FGF13: variants seen among roughly 807,000 people sequenced by gnomAD.
FGF13 encodes the protein fibroblast growth factor 13.
Under a neutral mutation model 19.5 loss-of-function variants are expected in FGF13, and 2 were observed. That is an observed-to-expected ratio of 0.10 (90% confidence interval 0.04 to 0.32). FGF13 has a LOEUF of 0.32. Ranked by LOEUF, FGF13 falls within the 10% of genes least tolerant of loss-of-function variation. The pLI is 1.00. For missense variants in FGF13, 113 were observed against 192.7 expected (o/e 0.59, Z 2.45); for synonymous variants, 72 against 76.9 (o/e 0.94, Z 0.33).
At chrX:138,651,736 T>C (rs1055426604) in intron 3 of FGF13, among the ~76,000 whole-genome samples, 1 of 111,783 alleles carries the variant, frequency 8.9e-6, no homozygotes, top group Non-Finnish European at 1.9e-5. Context: ...TTATACTTTC[T>C]TGCCAATTCC....
At chrX:138,930,247 G>A (rs997001904) in intron 1 of FGF13, among the ~76,000 whole-genome samples, 1 of 112,037 alleles carries the variant, frequency 8.9e-6, no homozygotes, top group Non-Finnish European at 1.9e-5. Flanking sequence ...CTGTGCTAGG[G>A]TGTCTGATTT....
chrX:138,954,745 C>A (rs2091832577), intron 1 of FGF13, among the ~76,000 whole-genome samples: 1 of 111,758 alleles, frequency 8.9e-6, no homozygotes, highest in Non-Finnish European at 1.9e-5. Flanking sequence ...TCAACGTTCA[C>A]CCTATTCTGT....
chrX:138,731,782 T>C (rs146025589), intron 1 of FGF13, among the ~76,000 whole-genome samples: 5 of 109,430 alleles, frequency 4.6e-5, no homozygotes, highest in South Asian at 3.9e-4. Context: ...GCTAGCAAGA[T>C]AGACCAAGAA....
chrX:138,925,717 T>C (rs1469905639), intron 1 of FGF13, among the ~76,000 whole-genome samples: 2 of 111,642 alleles, frequency 1.8e-5, no homozygotes. Flanking sequence ...TCCAAGTTTT[T>C]AATACTGAGG....
intron 1 of FGF13, among the ~76,000 whole-genome samples, chrX:139,088,479 G>A (rs745722951): frequency 5.5e-4 from 59 of 106,495 alleles, no homozygotes; most frequent in African/African-American, 2.0e-3. Flanking sequence ...GGGAACAAGA[G>A]TTTTCCCAGG....
chrX:138,861,380 T>C (rs1455490515), intron 2 of FGF13, among the ~76,000 whole-genome samples: 1 of 112,759 alleles, frequency 8.9e-6, no homozygotes, highest in East Asian at 2.8e-4. Flanking sequence ...ATCCTTTAAA[T>C]ATATTTGAAG....
chrX:138,830,687 T>TTTTGTG (rs2091065212), intron 3 of FGF13, among the ~76,000 whole-genome samples: 2 of 87,520 alleles, frequency 2.3e-5, no homozygotes, highest in South Asian at 1.4e-3. Flanking sequence ...AAAGGGGTGT[T>TTTTGTG]TGTGTGTGTG....
intron 1 of FGF13, among the ~76,000 whole-genome samples, chrX:138,994,901 G>T (rs1014686983): frequency 9.2e-6 from 1 of 109,150 alleles, no homozygotes; most frequent in Non-Finnish European, 1.9e-5. Context: ...CATTCAGAGA[G>T]GGGTGTAGCT....
At chrX:139,053,177 T>A (rs1391984034) in intron 1 of FGF13, among the ~76,000 whole-genome samples, 1 of 111,785 alleles carries the variant, frequency 8.9e-6, no homozygotes, top group Non-Finnish European at 1.9e-5. Context: ...TGCCGTTAAT[T>A]CATTCCTTTT....
intron 3 of FGF13, among the ~76,000 whole-genome samples, chrX:138,676,378 G>A (rs958713029): frequency 9.0e-6 from 1 of 111,187 alleles, no homozygotes; most frequent in African/African-American, 3.3e-5. Context: ...AGGGTTCAAA[G>A]ACATGTTAAA....
intron 1 of FGF13, among the ~76,000 whole-genome samples, chrX:139,126,587 C>T (rs766092321): frequency 1.8e-4 from 20 of 111,301 alleles, no homozygotes; most frequent in Non-Finnish European, 3.6e-4. Flanking sequence ...GCTTGGCTGG[C>T]CTGTATTTTT....
intron 1 of FGF13, among the ~76,000 whole-genome samples, chrX:138,894,854 A>C (rs1338580864): frequency 8.9e-6 from 1 of 111,865 alleles, no homozygotes; most frequent in Non-Finnish European, 1.9e-5. Flanking sequence ...GCAGAGACAC[A>C]ACAAAAAAAG....
intron 1 of FGF13, among the ~76,000 whole-genome samples, chrX:139,005,372 T>G (rs2092096751): frequency 8.9e-6 from 1 of 111,821 alleles, no homozygotes; most frequent in Non-Finnish European, 1.9e-5. Flanking sequence ...CAGTGTTACT[T>G]GGCTTGGGGT....
chrX:138,990,376 A>G (rs2092010402), intron 1 of FGF13: 1 of 111,111 alleles, frequency 9.0e-6, no homozygotes, highest in African/African-American at 3.3e-5. Context: ...GGAGAAACAC[A>G]GGCTTTATAT....
At chrX:138,646,489 A>G (rs1423234404) in intron 3 of FGF13, among the ~76,000 whole-genome samples, 1 of 111,712 alleles carries the variant, frequency 9.0e-6, no homozygotes, top group Non-Finnish European at 1.9e-5. Flanking sequence ...ACAGAGCAGA[A>G]GCCAAGCCAG....
intron 1 of FGF13, among the ~76,000 whole-genome samples, chrX:138,976,497 G>A (rs761939513): frequency 9.0e-6 from 1 of 111,054 alleles, no homozygotes; most frequent in East Asian, 2.8e-4. Context: ...ACTAAGTTAT[G>A]AGCATACAAA....
intron 1 of FGF13, among the ~76,000 whole-genome samples, chrX:139,022,627 C>T: frequency 1.8e-5 from 2 of 110,825 alleles, no homozygotes; most frequent in Non-Finnish European, 3.8e-5. Context: ...GAAATATATT[C>T]AACCACATTC....
chrX:139,197,993 C>CAAAAAAAA (rs57335781), intron 1 of FGF13, among the ~76,000 whole-genome samples: 1 of 23,280 alleles, frequency 4.3e-5, no homozygotes, highest in Non-Finnish European at 8.1e-5. Flanking sequence ...GACCCTACCT[C>CAAAAAAAA]AAAAAAAAAA....
chrX:138,670,737 G>C (rs1221291597), intron 3 of FGF13, among the ~76,000 whole-genome samples: 1 of 111,331 alleles, frequency 9.0e-6, no homozygotes, highest in Non-Finnish European at 1.9e-5. Flanking sequence ...AACTAGAGAT[G>C]AAAAAGTGCC....
Sources: allele counts gnomAD v4.1 joint callset (sites outside exome capture counted in the v4.1 genomes callset), GRCh38; gene constraint gnomAD v4.1.1; transcripts MANE v1.5; gene names NCBI Gene and HGNC (gene_info 2026-07-23, HGNC 2026-07-21).